Variants in CTNNA2 observed in about 807,000 individuals in gnomAD.
CTNNA2 encodes the protein catenin alpha-2.
Under a neutral mutation model 101.0 loss-of-function variants are expected in CTNNA2, and 42 were observed. The ratio of observed to expected loss-of-function variants is 0.42; its 90% CI spans 0.32 to 0.54. CTNNA2 has a LOEUF of 0.54. Among genes scored for constraint, CTNNA2 ranks in the 20% least tolerant of loss-of-function variants. The probability of loss-of-function intolerance (pLI) is 0.14; values close to 1 mark genes in which losing one functional copy is unlikely to be tolerated. For missense variants in CTNNA2, 871 were observed against 1,223.1 expected (o/e 0.71, Z 4.29); for synonymous variants, 450 against 456.4 (o/e 0.99, Z 0.18).
intron 3 of CTNNA2, among the ~76,000 whole-genome samples, chr2:79,831,303 C>T (rs988623825): frequency 6.6e-6 from 1 of 151,896 alleles, no homozygotes. Context: ...TTTTTCTCCT[C>T]GAGGTTTGTA....
At chr2:80,603,139 T>C (rs909455823) in intron 15 of CTNNA2, among the ~76,000 whole-genome samples, 2 of 152,078 alleles carry the variant, frequency 1.3e-5, no homozygotes, top group Admixed American at 1.3e-4. Context: ...AACACATTGA[T>C]TTTTATGCAC....
chr2:79,598,528 G>A (rs771027341), intron 1 of CTNNA2, among the ~76,000 whole-genome samples: 1 of 152,198 alleles, frequency 6.6e-6, no homozygotes, highest in African/African-American at 2.4e-5. Flanking sequence ...GTGCCATCTT[G>A]TTGCTTTAAT....
chr2:80,240,368 C>T (rs412079), intron 7 of CTNNA2, among the ~76,000 whole-genome samples: 96,043 of 152,072 alleles, frequency 0.63, 31,180 homozygotes, highest in African/African-American at 0.78. Context: ...TGCTAGTACC[C>T]TGTGTTTCCC....
intron 7 of CTNNA2, among the ~76,000 whole-genome samples, chr2:79,967,128 G>GTA: frequency 6.6e-6 from 1 of 151,858 alleles, no homozygotes; most frequent in Admixed American, 6.6e-5. Flanking sequence ...GTGTGTGTGT[G>GTA]TGTGTGTGTG....
intron 1 of CTNNA2, among the ~76,000 whole-genome samples, chr2:79,196,345 C>T (rs1673961290): frequency 6.6e-6 from 1 of 152,060 alleles, no homozygotes; most frequent in Non-Finnish European, 1.5e-5. Flanking sequence ...TGATTTTTTA[C>T]TTCCTCACTC....
intron 7 of CTNNA2, among the ~76,000 whole-genome samples, chr2:80,017,393 T>C (rs542842478): frequency 1.1e-4 from 16 of 152,138 alleles, no homozygotes; most frequent in African/African-American, 2.4e-4. Flanking sequence ...TTGATTTACA[T>C]TGATGTGTAC....
At chr2:80,185,686 A>T (rs1167342266) in intron 7 of CTNNA2, among the ~76,000 whole-genome samples, 1 of 152,096 alleles carries the variant, frequency 6.6e-6, no homozygotes, top group African/African-American at 2.4e-5. Flanking sequence ...CCTTTTTGTT[A>T]AAGAGCGGCA....
At position 80,647,646 on chromosome 2, in the gene CTNNA2, C is replaced by T. The variant is rs1162805213; in HGVS notation, c.2636C>T (p.Thr879Met). ...AKNLMNAVVL[T>M]VKASYVASTK... The stretch of plus-strand genomic sequence containing the variant: ...AACCTGATGAATGCTGTTGTCCTCA[C>T]GGTGAAAGCATCCTATGTGGCCTCA... Residue 879 changes from threonine (T) to methionine (M), a missense_variant, in exon 19 of 19, where the codon ACG becomes ATG. Physicochemically the swap from Thr to Met is moderately conservative, Grantham distance 81 (BLOSUM62 -1). This residue lies in a region of CTNNA2 where 25 missense variants were observed against 69.5 expected (regional missense o/e 0.36). Coordinates refer to ENST00000402739, the MANE Select transcript of CTNNA2 (RefSeq NM_001282597.3). 4 of 1,613,142 alleles carry T rather than the reference C, an allele frequency of 2.5e-6. No individual in the cohort carries two copies. The highest frequency in any genetic ancestry group is 3.4e-6 in the Non-Finnish European group (4 of 1,179,388).
At chr2:80,484,307 G>C (rs772346346) in intron 9 of CTNNA2, among the ~76,000 whole-genome samples, 11 of 152,142 alleles carry the variant, frequency 7.2e-5, no homozygotes, top group Non-Finnish European at 1.6e-4. Flanking sequence ...TCCACAAAGA[G>C]CAGTTAAAGA....
chr2:79,352,995 C>A lies in CTNNA2; in HGVS notation c.-317-20836C>A, dbSNP rs566451162. The stretch of plus-strand genomic sequence containing the variant: ...GGCACACACTTTTTAAACAACCAGA[C>A]CCCTTGAGAACTCTATCATGAGGCA... On this transcript the variant is annotated intron_variant, in intron 3 of 21. Coordinates refer to the CTNNA2 transcript ENST00000466387. 2.4e-4 allele frequency among the ~76,000 whole-genome samples: 37 copies of A among 152,180 alleles called. 1 individual carries two copies. Among genetic ancestry groups the A allele is most frequent in the African/African-American group, 8.9e-4 (37 of 41,508 alleles).
At chr2:79,275,051 G>T (rs1042234648) in intron 2 of CTNNA2, among the ~76,000 whole-genome samples, 7 of 152,036 alleles carry the variant, frequency 4.6e-5, no homozygotes, top group African/African-American at 1.7e-4. Context: ...ACCTCAAGTG[G>T]AAAGAAAGGG....
chr2:79,535,208 A>G (rs1672981472), intron 1 of CTNNA2, among the ~76,000 whole-genome samples: 1 of 151,960 alleles, frequency 6.6e-6, no homozygotes, highest in African/African-American at 2.4e-5. Context: ...CTATTTTTCA[A>G]TGAACATATT....
chr2:80,104,581 G>C (rs1340091232), intron 7 of CTNNA2, among the ~76,000 whole-genome samples: 1 of 152,142 alleles, frequency 6.6e-6, no homozygotes, highest in Non-Finnish European at 1.5e-5. Flanking sequence ...CTTTGTTCTG[G>C]GTCATTTACC....
intron 1 of CTNNA2, among the ~76,000 whole-genome samples, chr2:79,556,597 G>A (rs1207957074): frequency 6.6e-6 from 1 of 152,010 alleles, no homozygotes; most frequent in Admixed American, 6.6e-5. Context: ...TAGTGCTTAA[G>A]CATGCCTCTC....
intron 17 of CTNNA2, among the ~76,000 whole-genome samples, chr2:80,611,924 C>T (rs1392182752): frequency 6.6e-6 from 1 of 151,462 alleles, no homozygotes; most frequent in African/African-American, 2.4e-5. Context: ...GCCAAATGTA[C>T]ACAAAAATGG....
intron 7 of CTNNA2, among the ~76,000 whole-genome samples, chr2:79,943,786 G>A (rs1044120531): frequency 2.6e-5 from 4 of 152,188 alleles, no homozygotes; most frequent in African/African-American, 9.7e-5. Context: ...GCAAATGATA[G>A]CCTTTGCCAC....
intron 9 of CTNNA2, among the ~76,000 whole-genome samples, chr2:80,494,835 C>A (rs1687327555): frequency 6.6e-6 from 1 of 152,088 alleles, no homozygotes; most frequent in Non-Finnish European, 1.5e-5. Context: ...TGAGGTATTA[C>A]AACCAGTTCC....
At chr2:80,402,180 A>C (rs1678613864) in intron 8 of CTNNA2, among the ~76,000 whole-genome samples, 1 of 152,188 alleles carries the variant, frequency 6.6e-6, no homozygotes, top group Admixed American at 6.5e-5. Context: ...GTGAGCAGTC[A>C]AATGGAAGAG....
At chr2:80,364,041 T>C (rs756706171) in intron 7 of CTNNA2, among the ~76,000 whole-genome samples, 1 of 152,128 alleles carries the variant, frequency 6.6e-6, no homozygotes, top group Non-Finnish European at 1.5e-5. Flanking sequence ...CCTTAAATAT[T>C]CTCTAACATG....
Sources: gnomAD v4.1 joint callset for allele counts (sites outside exome capture counted in the v4.1 genomes callset) on GRCh38, gnomAD v4.1.1 for gene constraint, gnomAD v4.1.1 regional missense constraint, MANE v1.5 for transcripts, NCBI Gene and HGNC (gene_info 2026-07-23, HGNC 2026-07-21) for gene names.